BTG4: variants seen among roughly 807,000 people sequenced by gnomAD.
BTG4 encodes the protein BTG anti-proliferation factor 4.
A neutral mutation model predicts 19.3 loss-of-function variants in BTG4; 10 were observed. The ratio of observed to expected loss-of-function variants is 0.52; its 90% CI spans 0.32 to 0.88. The LOEUF (loss-of-function observed/expected upper bound fraction) is 0.88. Ranked by LOEUF, BTG4 falls within the 40% of genes least tolerant of loss-of-function variation. The probability of loss-of-function intolerance (pLI) is 0.04; values close to 1 mark genes in which losing one functional copy is unlikely to be tolerated. For missense variants in BTG4, 238 were observed against 281.9 expected, an observed-to-expected ratio of 0.84 and a Z score of 1.11; for synonymous variants, 91 against 95.7, an observed-to-expected ratio of 0.95 and a Z score of 0.29.
chr11:111,451,891 T>C, the BTG4 span, among the ~76,000 whole-genome samples: 8 of 152,316 alleles, frequency 5.3e-5, no homozygotes, highest in East Asian at 7.7e-4. Context: ...CCAAAGTTCA[T>C]TTCACAGCAA....
chr11:111,495,764 G>A (rs987445686), intron 4 of BTG4, among the ~76,000 whole-genome samples: 2 of 152,158 alleles, frequency 1.3e-5, no homozygotes, highest in Non-Finnish European at 2.9e-5. Flanking sequence ...TCCCCAAATG[G>A]AAGAAGACCT....
the BTG4 span, among the ~76,000 whole-genome samples, chr11:111,410,291 A>G: frequency 6.6e-6 from 1 of 151,904 alleles, no homozygotes; most frequent in African/African-American, 2.4e-5. Context: ...TTTTGTAGAG[A>G]CAGGGATCTT....
At chr11:111,502,631 CA>C (rs1198746102) in intron 1 of BTG4, among the ~76,000 whole-genome samples, 1 of 152,166 alleles carries the variant, frequency 6.6e-6, no homozygotes, top group Non-Finnish European at 1.5e-5. Flanking sequence ...GATGCATTAA[CA>C]AACACAAAAT....
chr11:111,388,362 A>G, the BTG4 span, among the ~76,000 whole-genome samples: 4 of 149,796 alleles, frequency 2.7e-5, no homozygotes, highest in Non-Finnish European at 5.9e-5. Flanking sequence ...TTCATGTGAC[A>G]TTGCTTTGGG....
chr11:111,407,776 C>T, the BTG4 span, among the ~76,000 whole-genome samples: 4 of 152,230 alleles, frequency 2.6e-5, no homozygotes, highest in Admixed American at 6.5e-5. Context: ...TACTTGCCAC[C>T]TTTTGACTGC....
the BTG4 span, among the ~76,000 whole-genome samples, chr11:111,393,150 G>T: frequency 6.6e-6 from 1 of 152,154 alleles, no homozygotes; most frequent in Non-Finnish European, 1.5e-5. Context: ...ATGCTATCTG[G>T]ATCTCCCCCA....
At chr11:111,433,849 G>GATAC in the BTG4 span, among the ~76,000 whole-genome samples, 1 of 152,234 alleles carries the variant, frequency 6.6e-6, no homozygotes, top group African/African-American at 2.4e-5. Flanking sequence ...ACCACAGGGA[G>GATAC]ATACCATCCC....
At chr11:111,494,146 G>A (rs1865580561), downstream of BTG4, among the ~76,000 whole-genome samples, 1 of 152,168 alleles carries the variant, frequency 6.6e-6, no homozygotes, top group Non-Finnish European at 1.5e-5. Flanking sequence ...AGATGAGAGA[G>A]GAGAAGGGAG....
At chr11:111,467,776 T>C (rs1863809017) in intron 5 of BTG4, 2 of 677,100 alleles carry the variant, frequency 3.0e-6, no homozygotes. Context: ...TGGAAATAAG[T>C]CATTTAGCTA....
chr11:111,421,913 AC>A, the BTG4 span, among the ~76,000 whole-genome samples: 213 of 148,366 alleles, frequency 1.4e-3, 1 homozygote, highest in East Asian at 3.9e-3. Context: ...ACTCCATCAG[AC>A]AAAAAAAAAG....
chr11:111,484,638 G>A (rs1864943915), intron 5 of BTG4, among the ~76,000 whole-genome samples: 1 of 151,992 alleles, frequency 6.6e-6, no homozygotes. Context: ...GCAAAAACCT[G>A]TAAGAGATAC....
At chr11:111,507,429 C>A (rs1279181529) in intron 1 of BTG4, among the ~76,000 whole-genome samples, 1 of 151,638 alleles carries the variant, frequency 6.6e-6, no homozygotes, top group Non-Finnish European at 1.5e-5. Flanking sequence ...TGACAGAGGC[C>A]AATCAGTAGT....
Position 111,495,252 on chromosome 11 carries a change from C to T in BTG4, c.573G>A (p.Val191=). Residue 191 remains valine, a synonymous_variant, in exon 5 of 5, where the codon GTG becomes GTA. Coordinates refer to ENST00000692032, the MANE Select transcript of BTG4 (RefSeq NM_001367975.1). ...WLQIPRKKNV[V]DGRVGLLGNT... is the part of the protein sequence containing the mutation. The stretch of plus-strand genomic sequence containing the variant: ...TTCCCAGGAGGCCAACACGGCCGTC[C>T]ACCACATTCTTTTTGCGGGGGATTT... 6.2e-7 allele frequency: 1 copy of T among 1,611,798 alleles called. No homozygotes were observed. Among genetic ancestry groups the T allele is most frequent in the Non-Finnish European group, 8.5e-7 (1 of 1,179,268 alleles).
intron 5 of BTG4, among the ~76,000 whole-genome samples, chr11:111,488,259 T>C (rs976134897): frequency 4.6e-5 from 7 of 152,268 alleles, no homozygotes; most frequent in East Asian, 3.9e-4. Flanking sequence ...AACATACACA[T>C]TGACCAACGG....
chr11:111,384,811 C>T, the BTG4 span: 3 of 152,048 alleles, frequency 2.0e-5, no homozygotes, highest in Non-Finnish European at 4.4e-5. Flanking sequence ...CATAACAACA[C>T]AAAACAAAAT....
chr11:111,491,161 G>T (rs1007372379), downstream of BTG4, among the ~76,000 whole-genome samples: 2 of 152,170 alleles, frequency 1.3e-5, no homozygotes, highest in Non-Finnish European at 2.9e-5. Flanking sequence ...TAACATTTTT[G>T]AGATGACAAA....
the BTG4 span, chr11:111,397,747 C>G: frequency 6.6e-6 from 1 of 152,058 alleles, no homozygotes; most frequent in African/African-American, 2.4e-5. Context: ...TGATGTATCC[C>G]AATACTAAGA....
chr11:111,497,882 A>G, intron 3 of BTG4, 116 bp downstream of exon 3: 1 of 1,129,998 alleles, frequency 8.8e-7, no homozygotes, highest in South Asian at 1.8e-5. Flanking sequence ...TTAACCAAGA[A>G]GTATCCCTGC....
At chr11:111,440,668 G>A in the BTG4 span, among the ~76,000 whole-genome samples, 5 of 152,264 alleles carry the variant, frequency 3.3e-5, no homozygotes, top group African/African-American at 4.8e-5. Context: ...TCAGATTTTT[G>A]TTCACAGATA....
Sources: allele counts gnomAD v4.1 joint callset (sites outside exome capture counted in the v4.1 genomes callset), GRCh38; gene constraint gnomAD v4.1.1; transcripts MANE v1.5; gene names NCBI Gene and HGNC (gene_info 2026-07-23, HGNC 2026-07-21).